Variants in METTL21A observed in about 807,000 individuals in gnomAD.
METTL21A encodes protein N-lysine methyltransferase METTL21A.
METTL21A carries 22 observed loss-of-function variants against 20.9 expected under a neutral mutation model. The observed-to-expected ratio is 1.05, with a 90% confidence interval of 0.75 to 1.50. The LOEUF (loss-of-function observed/expected upper bound fraction) is 1.50, where lower values mean the gene tolerates loss of function less well. Among genes scored for constraint, METTL21A ranks in the 40% most tolerant of loss-of-function variants. METTL21A has a pLI of 0.00. For missense variants in METTL21A, 271 were observed against 266.8 expected, an observed-to-expected ratio of 1.02 and a Z score of -0.11; for synonymous variants, 93 against 102.0, an observed-to-expected ratio of 0.91 and a Z score of 0.53.
At chr2:207,619,173 CTT>C (rs5838081) in intron 3 of METTL21A, among the ~76,000 whole-genome samples, 1,517 of 133,910 alleles carry the variant, frequency 0.011, 20 homozygotes, top group African/African-American at 0.027. Flanking sequence ...CATAGCACCG[CTT>C]TTTTTTTTTT....
exon 2 of METTL21A, chr2:207,624,286 C>T (rs2090854676): frequency 2.5e-6 from 4 of 1,613,868 alleles, no homozygotes; most frequent in Non-Finnish European, 3.4e-6. Flanking sequence ...GGATCTGGAT[C>T]GTGTGGTTTG....
At chr2:207,606,576 T>G (rs2088144200), downstream of METTL21A, among the ~76,000 whole-genome samples, 1 of 152,164 alleles carries the variant, frequency 6.6e-6, no homozygotes. Context: ...AGTTTCCAGC[T>G]TCCCAGAGGA....
rs533743974 is a variant in METTL21A, at chr2:207,583,966, G to A, written c.260-1806C>T. ...CTTTTAGATCTGGTTCCTTCATCTA[G>A]CAAAATGCATTTAAGATTTATTGAT... On this transcript the variant is annotated intron_variant, in intron 3 of 3. Transcript: ENST00000425132. Among the ~76,000 whole-genome samples, 7 of 152,196 alleles carry A rather than the reference G, an allele frequency of 4.6e-5. 1 individual carries two copies. In the South Asian group the frequency reaches 1.5e-3, roughly 32 times the overall value.
chr2:207,601,964 C>T (rs998055578), intron 3 of METTL21A: 1 of 208,792 alleles, frequency 4.8e-6, no homozygotes, highest in Admixed American at 5.9e-5. Context: ...CCTTGACATT[C>T]TAGAATCAAT....
At chr2:207,581,623 T>G (rs2082967893), downstream of METTL21A, 2 of 383,032 alleles carry the variant, frequency 5.2e-6, no homozygotes, top group African/African-American at 2.1e-5. Flanking sequence ...TTTAAGTAAT[T>G]TTAAACTTAC....
chr2:207,609,095 G>A (rs1023606315), downstream of METTL21A: 2 of 152,162 alleles, frequency 1.3e-5, no homozygotes, highest in Non-Finnish European at 2.9e-5. Context: ...TGTTGAACTG[G>A]TATATCACAG....
downstream of METTL21A, among the ~76,000 whole-genome samples, chr2:207,605,110 T>G (rs528261436): frequency 6.6e-6 from 1 of 152,202 alleles, no homozygotes; most frequent in Admixed American, 6.5e-5. Flanking sequence ...CTGGGTCATG[T>G]TGAAATCGCA....
At chr2:207,588,872 A>G (rs1025306525) in intron 3 of METTL21A, among the ~76,000 whole-genome samples, 1 of 135,616 alleles carries the variant, frequency 7.4e-6, no homozygotes, top group Non-Finnish European at 1.6e-5. Context: ...TTTACTTATT[A>G]GTTCTAGGAG....
chr2:207,582,910 CAAAA>C (rs762922292), intron 3 of METTL21A: 4 of 201,324 alleles, frequency 2.0e-5, no homozygotes, highest in South Asian at 8.0e-5. Context: ...AACAAACAAA[CAAAA>C]AAAAATATAT....
chr2:207,622,855 C>T (rs554695984), intron 2 of METTL21A, among the ~76,000 whole-genome samples: 1 of 152,142 alleles, frequency 6.6e-6, no homozygotes, highest in South Asian at 2.1e-4. Context: ...GTATAATTGG[C>T]AATTCCTCTT....
At chr2:207,609,444 A>G (rs1355563275), downstream of METTL21A, 1 of 152,214 alleles carries the variant, frequency 6.6e-6, no homozygotes. Flanking sequence ...AATGGAATGT[A>G]TCTTTTTCAT....
intron 3 of METTL21A, among the ~76,000 whole-genome samples, chr2:207,619,359 G>T (rs2090195590): frequency 6.6e-6 from 1 of 151,990 alleles, no homozygotes; most frequent in African/African-American, 2.4e-5. Flanking sequence ...ACTTTAAAAA[G>T]AATAATAATT....
chr2:207,597,185 AACT>A, intron 3 of METTL21A: 1 of 996,112 alleles, frequency 1.0e-6, no homozygotes, highest in Non-Finnish European at 1.4e-6. Flanking sequence ...GCCTGAAAGC[AACT>A]ACAGAATTTC....
At chr2:207,589,076 T>C (rs1432564377) in intron 3 of METTL21A, among the ~76,000 whole-genome samples, 3 of 152,144 alleles carry the variant, frequency 2.0e-5, no homozygotes, top group Non-Finnish European at 4.4e-5. Context: ...TTCTTGATCT[T>C]AGGGGGTGTA....
chr2:207,618,888 G>A (rs1390441274), intron 3 of METTL21A, among the ~76,000 whole-genome samples: 1 of 152,134 alleles, frequency 6.6e-6, no homozygotes, highest in Non-Finnish European at 1.5e-5. Context: ...AGACCAGGGA[G>A]ATTTTCAAAC....
intron 3 of METTL21A, among the ~76,000 whole-genome samples, chr2:207,617,052 A>G (rs1015758172): frequency 1.3e-5 from 2 of 152,346 alleles, no homozygotes; most frequent in South Asian, 4.1e-4. Flanking sequence ...GTGAGACAGT[A>G]TTTAGTTCAG....
In METTL21A at chr2:207,624,262, T is replaced by C. The variant is rs767242143; in HGVS notation, c.114A>G (p.Arg38=). The change falls in exon 2 of 4, where the codon AGA becomes AGG. Residue 38 remains arginine, a synonymous_variant. Transcript: ENST00000406927. The stretch of plus-strand genomic sequence containing the variant: ...AAACCACCGCTGCGACTCCCAGGTG[T>C]CTCCAGTCCTGCCGGATCTGGATCG... 3.2e-5 allele frequency: 52 copies of C among 1,612,138 alleles called. No homozygotes were observed. In the Middle Eastern group the frequency reaches 1.2e-3, roughly 36 times the overall value.
chr2:207,608,877 A>G (rs952160924), downstream of METTL21A, among the ~76,000 whole-genome samples: 13 of 152,238 alleles, frequency 8.5e-5, no homozygotes, highest in Non-Finnish European at 1.3e-4. Context: ...CAGTGAGCTG[A>G]GATCGTGCCC....
chr2:207,597,420 T>G (rs1429414565), intron 3 of METTL21A: 2 of 249,372 alleles, frequency 8.0e-6, no homozygotes, highest in Non-Finnish European at 1.5e-5. Context: ...GCTCCTTGAT[T>G]GCCTTAGGGA....
Sources: gnomAD v4.1 joint callset for allele counts (sites outside exome capture counted in the v4.1 genomes callset) on GRCh38, gnomAD v4.1.1 for gene constraint, MANE v1.5 for transcripts, NCBI Gene and HGNC (gene_info 2026-07-23, HGNC 2026-07-21) for gene names.